SVIL: variants seen among roughly 807,000 people sequenced by gnomAD.
The protein encoded by SVIL is archvillin.
Under a neutral mutation model 240.4 loss-of-function variants are expected in SVIL, and 101 were observed. The ratio of observed to expected loss-of-function variants is 0.42; its 90% CI spans 0.36 to 0.50. The LOEUF is 0.50. Ranked by LOEUF, SVIL falls within the 20% of genes least tolerant of loss-of-function variation. The probability of loss-of-function intolerance (pLI) is 0.01; values close to 1 mark genes in which losing one functional copy is unlikely to be tolerated. For missense variants in SVIL, 2,512 were observed against 2,818.7 expected (o/e 0.89, Z 2.46); for synonymous variants, 999 against 1,100.0 (o/e 0.91, Z 1.82).
chr10:29,724,704 T>C (rs1589583555), intron 1 of SVIL, among the ~76,000 whole-genome samples: 1 of 152,150 alleles, frequency 6.6e-6, no homozygotes, highest in East Asian at 1.9e-4. Flanking sequence ...TCCAGGAAGT[T>C]CTTAGCCTTA....
chr10:29,641,129 T>G (rs1424036672), intron 3 of SVIL, among the ~76,000 whole-genome samples: 1 of 152,146 alleles, frequency 6.6e-6, no homozygotes, highest in Non-Finnish European at 1.5e-5. Context: ...TAAAGGGGGC[T>G]GGGTGCAGTG....
chr10:29,570,720 T>G (rs1453109008), intron 1 of SVIL, among the ~76,000 whole-genome samples: 2 of 152,230 alleles, frequency 1.3e-5, no homozygotes, highest in East Asian at 3.8e-4. Context: ...GCATTTGCAA[T>G]TTTTCCTACA....
intron 5 of SVIL, among the ~76,000 whole-genome samples, chr10:29,552,217 ATAGT>A (rs776396099): frequency 3.5e-4 from 48 of 136,268 alleles, no homozygotes; most frequent in East Asian, 6.5e-4. Context: ...TCTTTATAAA[ATAGT>A]TAGTTATTAA....
intron 6 of SVIL, among the ~76,000 whole-genome samples, chr10:29,542,431 G>T (rs569776228): frequency 6.6e-6 from 1 of 152,178 alleles, no homozygotes; most frequent in South Asian, 2.1e-4. Flanking sequence ...AATTCACAGT[G>T]CCGTGTCTGG....
At chr10:29,674,986 T>C (rs572731331) in intron 2 of SVIL, among the ~76,000 whole-genome samples, 47 of 152,234 alleles carry the variant, frequency 3.1e-4, no homozygotes, top group African/African-American at 1.1e-3. Flanking sequence ...CAGGATAATC[T>C]CCCCATCTCA....
In SVIL at chr10:29,624,769, T is replaced by C. The variant is rs568710218; in HGVS notation, c.-201+9651A>G. Among the ~76,000 whole-genome samples the C allele has an allele frequency of 2.0e-5, 3 of 152,322 alleles. 1 individual carries two copies. The South Asian group carries it at 6.2e-4, about 32-fold the overall frequency. Reference sequence around the variant, plus strand: ...ATAAAAGTTAGCTTAGAAAACTCTCTCCTTTAAAATACCACGGTAATTTGT... The same window carrying C: ...ATAAAAGTTAGCTTAGAAAACTCTCCCCTTTAAAATACCACGGTAATTTGT... On this transcript the variant is annotated intron_variant, in intron 1 of 37. Transcript: ENST00000355867.
intron 24 of SVIL, 97 bp downstream of exon 24, chr10:29,487,066 G>C: frequency 6.9e-7 from 1 of 1,459,296 alleles, no homozygotes; most frequent in Admixed American, 2.2e-5. Flanking sequence ...TGCAACACCT[G>C]GCTTTTGAGA....
At chr10:29,493,469 T>C in intron 20 of SVIL, 78 bp from the exon 21 acceptor site, 1 of 1,473,950 alleles carries the variant, frequency 6.8e-7, no homozygotes, top group Non-Finnish European at 9.3e-7. Flanking sequence ...AGTTTAAAAA[T>C]TCTATTGCCT....
intron 17 of SVIL, among the ~76,000 whole-genome samples, chr10:29,501,633 G>C (rs542335314): frequency 6.6e-6 from 1 of 152,254 alleles, no homozygotes; most frequent in South Asian, 2.1e-4. Context: ...ATTTCCCCTC[G>C]TGATCGGCGA....
intron 2 of SVIL, among the ~76,000 whole-genome samples, chr10:29,681,919 C>T (rs1226643263): frequency 2.0e-5 from 3 of 152,158 alleles, no homozygotes; most frequent in Non-Finnish European, 2.9e-5. Flanking sequence ...AGGAACAGAC[C>T]TTCTGCCTCC....
rs549873608 is a variant in SVIL, at chr10:29,680,684, C to T, written c.-301+5869G>A. 1.2e-4 allele frequency among the ~76,000 whole-genome samples: 18 copies of T among 152,180 alleles called. No homozygotes were observed. In the East Asian group the frequency reaches 1.9e-3, roughly 16 times the overall value. ...CTGTAATCCCAGCACTTTGGGAGGC[C>T]GAGGCGGGTGGATCACTTGAGGTCA... On this transcript the variant is annotated intron_variant, in intron 2 of 35. Coordinates refer to the SVIL transcript ENST00000375400.
At chr10:29,626,240 T>G (rs535263830) in intron 1 of SVIL, among the ~76,000 whole-genome samples, 1 of 152,312 alleles carries the variant, frequency 6.6e-6, no homozygotes, top group African/African-American at 2.4e-5. Flanking sequence ...CACATAACTA[T>G]GTGAAACCAT....
intron 1 of SVIL, among the ~76,000 whole-genome samples, chr10:29,696,811 GGA>G (rs1962074129): frequency 6.7e-6 from 1 of 150,206 alleles, no homozygotes; most frequent in Non-Finnish European, 1.5e-5. Flanking sequence ...ACCCCGTCCG[GGA>G]GGGAGGTGGG....
intron 18 of SVIL, chr10:29,496,590 T>A (rs550283427): frequency 3.7e-4 from 113 of 305,174 alleles, no homozygotes; most frequent in Non-Finnish European, 3.3e-4. Flanking sequence ...GCAGTGGCAC[T>A]ATGCAAACGT....
rs1564623996 is a variant in SVIL, at chr10:29,550,833, C to A, written c.591G>T (p.Glu197Asp). ...LHVGDGSSDP[E>D]VLLNIENQRR... ...TTTGGTTTTCTATGTTCAGCAGCAC[C>A]TCCGGGTCGGAAGAGCCGTCACCCA... The change falls in exon 6 of 38, where the codon GAG (glutamate) becomes GAT (aspartate). Residue 197 changes from glutamate (E) to aspartate (D), a missense_variant. This residue lies in a region of SVIL where 1,443 missense variants were observed against 1,486.6 expected (regional missense o/e 0.97). Coordinates refer to ENST00000355867, the MANE Select transcript of SVIL (RefSeq NM_021738.3). 1 of 1,614,004 alleles carries A rather than the reference C, an allele frequency of 6.2e-7. No homozygotes were observed. The highest frequency in any genetic ancestry group is 1.3e-5 in the African/African-American group (1 of 74,912).
At chr10:29,602,115 G>A in intron 1 of SVIL, 1 of 362,372 alleles carries the variant, frequency 2.8e-6, no homozygotes, top group South Asian at 2.1e-5. Context: ...TCAATATTTT[G>A]CTTTTAACAA....
chr10:29,514,495 G>A (rs994342947), intron 16 of SVIL, among the ~76,000 whole-genome samples: 1 of 152,142 alleles, frequency 6.6e-6, no homozygotes, highest in African/African-American at 2.4e-5. Context: ...TTCCATGTCA[G>A]CCTCCAGAGT....
At chr10:29,472,899 G>C (rs1485590838) in intron 30 of SVIL, among the ~76,000 whole-genome samples, 1 of 152,210 alleles carries the variant, frequency 6.6e-6, no homozygotes, top group Non-Finnish European at 1.5e-5. Context: ...GGACTGAGAA[G>C]GATGGGAGAA....
chr10:29,535,909 T>A, intron 7 of SVIL, 80 bp downstream of exon 7: 1 of 1,395,022 alleles, frequency 7.2e-7, no homozygotes, highest in Non-Finnish European at 1.0e-6. Context: ...AAGAGGAGAG[T>A]GGGTGTTAGC....
Sources: gnomAD v4.1 joint callset for allele counts (sites outside exome capture counted in the v4.1 genomes callset) on GRCh38, gnomAD v4.1.1 for gene constraint, gnomAD v4.1.1 regional missense constraint, MANE v1.5 for transcripts, NCBI Gene and HGNC (gene_info 2026-07-23, HGNC 2026-07-21) for gene names.